The following SPG11 variants were observed in gnomAD, a reference collection of about 807,000 sequenced individuals.
SPG11 encodes the protein spatacsin.
In SPG11, 222 loss-of-function variants were observed where a neutral mutation model predicts 274.0. That is an observed-to-expected ratio of 0.81 (90% confidence interval 0.73 to 0.91). The LOEUF is 0.91. Ranked by LOEUF, SPG11 falls within the 40% of genes least tolerant of loss-of-function variation. The probability of loss-of-function intolerance (pLI) is 0.00; values close to 1 mark genes in which losing one functional copy is unlikely to be tolerated. For synonymous variants in SPG11, 1,144 were observed against 1,039.7 expected (o/e 1.10, Z -1.93); for missense variants, 3,114 against 2,872.7 (o/e 1.08, Z -1.92).
chr15:44,614,042 A>G (rs2083530427), intron 16 of SPG11, among the ~76,000 whole-genome samples: 1 of 152,162 alleles, frequency 6.6e-6, no homozygotes, highest in African/African-American at 2.4e-5. Flanking sequence ...AGACTGTCTC[A>G]AAGTAAAAAA....
At chr15:44,646,939 A>G (rs773120845) in intron 7 of SPG11, among the ~76,000 whole-genome samples, 2 of 152,180 alleles carry the variant, frequency 1.3e-5, no homozygotes, top group African/African-American at 4.8e-5. Flanking sequence ...CAATTTACCT[A>G]TGTGACAAAC....
intron 4 of SPG11, among the ~76,000 whole-genome samples, chr15:44,655,989 T>C (rs913700038): frequency 6.6e-6 from 1 of 152,038 alleles, no homozygotes. Flanking sequence ...ACTGTAACTG[T>C]GGATAAAGGC....
intron 14 of SPG11, chr15:44,621,446 T>C (rs2083747597): frequency 2.9e-6 from 1 of 343,834 alleles, no homozygotes; most frequent in African/African-American, 2.1e-5. Flanking sequence ...CCATATCAGA[T>C]GGCATAGATC....
At chr15:44,569,164 CAA>C (rs1188132986) in intron 35 of SPG11, among the ~76,000 whole-genome samples, 9 of 71,040 alleles carry the variant, frequency 1.3e-4, no homozygotes, top group Admixed American at 3.4e-4. Context: ...AACTCCGTCT[CAA>C]AAAAAAAAAA....
chr15:44,598,617 A>G lies in SPG11; in HGVS notation c.3892+14T>C. The G allele has an allele frequency of 6.2e-7, 1 of 1,612,094 alleles. No individual in the cohort carries two copies. Among genetic ancestry groups the G allele is most frequent in the Non-Finnish European group, 8.5e-7 (1 of 1,178,264 alleles). The stretch of plus-strand genomic sequence containing the variant: ...CTTCTCTAAACAAAGCAGGCCAGAT[A>G]AAAGGTGCTGTACCTACAGACTCTC... On this transcript the variant is annotated intron_variant, in intron 22 of 39. Transcript: ENST00000261866.
intron 30 of SPG11, among the ~76,000 whole-genome samples, chr15:44,582,363 T>C (rs2082673563): frequency 6.6e-6 from 1 of 151,964 alleles, no homozygotes; most frequent in Non-Finnish European, 1.5e-5. Context: ...GCCTGGCCAA[T>C]ATAGTGGAAC....
intron 30 of SPG11, among the ~76,000 whole-genome samples, chr15:44,578,041 T>TTTC (rs2082579426): frequency 6.8e-6 from 1 of 148,074 alleles, no homozygotes; most frequent in African/African-American, 2.5e-5. Context: ...TTTTTTTTTT[T>TTTC]TGAGACGGAG....
At chr15:44,657,317 A>G in intron 3 of SPG11, 21 bp from the exon 4 acceptor site, 1 of 1,611,100 alleles carries the variant, frequency 6.2e-7, no homozygotes, top group East Asian at 2.2e-5. Flanking sequence ...GAGTTAAAAG[A>G]AAATGCCAGT....
At chr15:44,615,772 C>T (rs901073501) in intron 15 of SPG11, among the ~76,000 whole-genome samples, 2 of 152,074 alleles carry the variant, frequency 1.3e-5, no homozygotes, top group South Asian at 2.1e-4. Flanking sequence ...AAGGTAGCAA[C>T]GACAGACTCA....
intron 28 of SPG11, chr15:44,588,566 CCTT>C (rs2140955618): frequency 3.2e-6 from 1 of 308,956 alleles, no homozygotes; most frequent in South Asian, 2.9e-5. Context: ...TAAACACAAA[CCTT>C]CTCAGAAGGC....
At chr15:44,615,169 A>C (rs993528025) in intron 16 of SPG11, among the ~76,000 whole-genome samples, 194 bp downstream of exon 16, 13 of 152,208 alleles carry the variant, frequency 8.5e-5, no homozygotes, top group African/African-American at 3.1e-4. Context: ...TCACCAAAAA[A>C]CACATAAGCA....
At chr15:44,620,698 G>T in intron 14 of SPG11, 3 of 259,034 alleles carry the variant, frequency 1.2e-5, no homozygotes, top group Non-Finnish European at 2.2e-5. Flanking sequence ...TCATGACCAG[G>T]TAAATTTTTT....
At chr15:44,610,066 C>T (rs1385681157) in intron 18 of SPG11, among the ~76,000 whole-genome samples, 1 of 151,690 alleles carries the variant, frequency 6.6e-6, no homozygotes, top group Non-Finnish European at 1.5e-5. Flanking sequence ...CCATGCCCGG[C>T]TAGTTTTTGT....
rs554246104 is a variant in SPG11 at position 44,566,169 on chromosome 15, T to C, written c.6843+48A>G. The C allele has an allele frequency of 3.4e-5, 54 of 1,607,824 alleles. 1 individual carries two copies. The South Asian group carries it at 5.6e-4, about 17-fold the overall frequency. On this transcript the variant is annotated intron_variant, in intron 37 of 39. Coordinates refer to ENST00000261866, the MANE Select transcript of SPG11 (RefSeq NM_025137.4). ...CAAGGACAAAAGAAAATAATTTTACTGCAGACAGCAAGTCCCAAGGCCAGT... is the reference window on the plus strand; with the variant it reads ...CAAGGACAAAAGAAAATAATTTTACCGCAGACAGCAAGTCCCAAGGCCAGT...
chr15:44,567,119 A>G (rs936230658), intron 36 of SPG11, among the ~76,000 whole-genome samples: 2 of 151,852 alleles, frequency 1.3e-5, no homozygotes, highest in Non-Finnish European at 2.9e-5. Context: ...TGGGAGGCCA[A>G]CGTGGGCAGT....
Position 44,572,682 on chromosome 15 carries a change from C to T in SPG11, c.6343+1G>A. 1 of 1,614,134 alleles carries T rather than the reference C, an allele frequency of 6.2e-7. No homozygotes were observed. Among genetic ancestry groups the T allele is most frequent in the Non-Finnish European group, 8.5e-7 (1 of 1,180,006 alleles). ...ATGTAAGAAAAAGGTCAATAACTTACTGCAAGACAGTTCCCCATGGGGAAC... is the reference window on the plus strand; with the variant it reads ...ATGTAAGAAAAAGGTCAATAACTTATTGCAAGACAGTTCCCCATGGGGAAC... On this transcript the variant is annotated splice_donor_variant, in intron 33 of 39. Transcript: ENST00000261866. LOFTEE classifies it high-confidence loss of function.
intron 17 of SPG11, 110 bp from the exon 18 acceptor site, chr15:44,611,095 A>AGT: frequency 6.6e-6 from 3 of 452,712 alleles, no homozygotes; most frequent in South Asian, 3.0e-5. Flanking sequence ...CCCCAGTAAA[A>AGT]AAAAAAAAAA....
chr15:44,620,235 G>C lies in SPG11; in HGVS notation c.2789C>G (p.Ser930Cys). ...TTCATTCCTCATGTAGTTGTTACAGGAAGTATTCTGGTTAATAACATCAAC... is the reference window on the plus strand; with the variant it reads ...TTCATTCCTCATGTAGTTGTTACAGCAAGTATTCTGGTTAATAACATCAAC... ...LTVDVINQNT[S>C]CNNYMRNEIL... The change falls in exon 15 of 40, where the codon TCC (serine) becomes TGC (cysteine). Residue 930 changes from serine (S) to cysteine (C), a missense_variant. Transcript: ENST00000261866. The C allele has an allele frequency of 6.2e-7, 1 of 1,613,986 alleles. No individual in the cohort carries two copies. The highest frequency in any genetic ancestry group is 8.5e-7 in the Non-Finnish European group (1 of 1,180,006).
At chr15:44,652,658 CT>C (rs200032491) in intron 4 of SPG11, among the ~76,000 whole-genome samples, 309 of 142,272 alleles carry the variant, frequency 2.2e-3, no homozygotes, top group East Asian at 4.8e-3. Context: ...AGCTTTTTTT[CT>C]TTTTTTTTTT....
Sources: allele counts gnomAD v4.1 joint callset (sites outside exome capture counted in the v4.1 genomes callset), GRCh38; gene constraint gnomAD v4.1.1; transcripts MANE v1.5; gene names NCBI Gene and HGNC (gene_info 2026-07-23, HGNC 2026-07-21).